Variants in CCL25 observed in about 807,000 individuals in gnomAD.
The protein encoded by CCL25 is C-C motif chemokine 25.
CCL25 carries 14 observed loss-of-function variants against 19.9 expected under a neutral mutation model. The observed-to-expected ratio is 0.70, with a 90% CI of 0.47 to 1.10. CCL25 has a LOEUF of 1.10. Ranked by LOEUF, CCL25 falls within the 50% of genes least tolerant of loss-of-function variation. CCL25 has a pLI of 0.00. For missense variants in CCL25, 151 were observed against 181.2 expected, an observed-to-expected ratio of 0.83 and a Z score of 0.96; for synonymous variants, 68 against 73.2, an observed-to-expected ratio of 0.93 and a Z score of 0.36.
intron 5 of CCL25, among the ~76,000 whole-genome samples, chr19:8,059,885 C>T (rs952909623): frequency 3.3e-5 from 5 of 151,558 alleles, no homozygotes; most frequent in Admixed American, 6.6e-5. Flanking sequence ...GTCAGGAGAT[C>T]GAGACCATCC....
At chr19:8,057,987 T>C (rs2081284410) in intron 5 of CCL25, 67 bp downstream of exon 5, 22 of 1,570,282 alleles carry the variant, frequency 1.4e-5, no homozygotes, top group Non-Finnish European at 1.7e-5. Flanking sequence ...GGGCTCGTGA[T>C]TGGCTCACAC....
intron 2 of CCL25, among the ~76,000 whole-genome samples, chr19:8,054,431 G>T (rs770499242): frequency 6.6e-6 from 1 of 152,208 alleles, no homozygotes; most frequent in Non-Finnish European, 1.5e-5. Context: ...CCGCGGTTGG[G>T]AGACACCTGG....
chr19:8,060,982 ATTTT>A (rs68112327), intron 5 of CCL25, among the ~76,000 whole-genome samples: 3 of 95,168 alleles, frequency 3.2e-5, no homozygotes, highest in Non-Finnish European at 4.0e-5. Context: ...GCCCGGCCTA[ATTTT>A]TTTTTTTTTT....
Position 8,056,199 on chromosome 19 carries a change from G to C in CCL25, c.121G>C (p.Ala41Pro). The change falls in exon 3 of 6, where the codon GCT becomes CCT. Residue 41 changes from alanine to proline, a missense_variant. Coordinates refer to ENST00000315626, the MANE Select transcript of CCL25 (RefSeq NM_005624.4). ...GGCCTACCACTACCCCATTGGGTGG[G>C]CTGTGCTCCGGCGCGCCTGGACTTA... ...CLAYHYPIGWAVLRRAWTYRI... is the reference protein window; with the variant it reads ...CLAYHYPIGWPVLRRAWTYRI... 1 of 1,566,118 alleles carries C rather than the reference G, an allele frequency of 6.4e-7. No individual in the cohort carries two copies. The highest frequency in any genetic ancestry group is 8.6e-7 in the Non-Finnish European group (1 of 1,156,418).
chr19:8,052,556 C>T (rs557585670), upstream of CCL25, among the ~76,000 whole-genome samples: 3 of 151,634 alleles, frequency 2.0e-5, no homozygotes, highest in East Asian at 5.8e-4. Flanking sequence ...TTTCTGGAGA[C>T]AGTAGGGGTG....
At position 8,061,149 on chromosome 19, in the gene CCL25, C is replaced by G. The variant is rs182088627; in HGVS notation, c.446-1069C>G. 2.0e-5 allele frequency among the ~76,000 whole-genome samples: 3 copies of G among 151,878 alleles called. No individual in the cohort carries two copies. The East Asian group carries it at 5.8e-4, about 29-fold the overall frequency. On this transcript the variant is annotated intron_variant, in intron 5 of 5. Transcript: ENST00000315626. ...GATCATAGGCATGCACCACCACTGCCGACTAATTTTTGTATTTTTAGTAGA... is the reference window on the plus strand; with the variant it reads ...GATCATAGGCATGCACCACCACTGCGGACTAATTTTTGTATTTTTAGTAGA...
At chr19:8,053,645 C>T (rs972985947) in intron 2 of CCL25, among the ~76,000 whole-genome samples, 4 of 150,422 alleles carry the variant, frequency 2.7e-5, no homozygotes, top group Non-Finnish European at 5.9e-5. Context: ...GCCTCCTGGG[C>T]TCAAGCGATC....
At chr19:8,056,302 G>GGGGGGGGGGGGGGGGGGGGCCCCC in intron 3 of CCL25, 33 bp downstream of exon 3, 5 of 593,282 alleles carry the variant, frequency 8.4e-6, no homozygotes, top group Admixed American at 1.9e-5. Flanking sequence ...GGGGGGTGGG[G>GGGGGGGGGGGGGGGGGGGGCCCCC]TGCACACACA....
In CCL25 at chr19:8,057,823, G is replaced by A; in HGVS notation, c.348G>A (p.Lys116=). Residue 116 remains lysine (K), a synonymous_variant, in exon 5 of 6, where the codon AAG becomes AAA. Coordinates refer to ENST00000315626, the MANE Select transcript of CCL25 (RefSeq NM_005624.4). ...CAGCAGGCCCTCATGCTGTAAAGAA[G>A]TTGAGTTCTGGAAACTCCAAGTTAT... ...TFQAGPHAVK[K]LSSGNSKLSS... is the part of the protein sequence containing the mutation. The A allele has an allele frequency of 6.2e-7, 1 of 1,613,152 alleles. No individual in the cohort carries two copies. Among genetic ancestry groups the A allele is most frequent in the Non-Finnish European group, 8.5e-7 (1 of 1,179,372 alleles).
At position 8,053,071 on chromosome 19, in the gene CCL25, T is replaced by C; in HGVS notation, c.22T>C (p.Cys8Arg). ...CAGCATGAACCTGTGGCTCCTGGCCTGCCTGGTGGCCGGCTTCCTGGGAGC... is the reference window on the plus strand; with the variant it reads ...CAGCATGAACCTGTGGCTCCTGGCCCGCCTGGTGGCCGGCTTCCTGGGAGC... MNLWLLA[C>R]LVAGFLGAWA... The change falls in exon 2 of 6, where the codon TGC (cysteine) becomes CGC (arginine). Residue 8 changes from cysteine (C) to arginine (R), a missense_variant. By Grantham distance (180) the Cys-to-Arg change is radical. Coordinates refer to ENST00000315626, the MANE Select transcript of CCL25 (RefSeq NM_005624.4). The C allele has an allele frequency of 1.3e-6, 2 of 1,554,782 alleles. No homozygotes were observed. The highest frequency in any genetic ancestry group is 1.7e-6 in the Non-Finnish European group (2 of 1,149,122).
chr19:8,055,739 G>A (rs1392065835), intron 2 of CCL25, among the ~76,000 whole-genome samples: 2 of 152,178 alleles, frequency 1.3e-5, no homozygotes, highest in African/African-American at 4.8e-5. Context: ...CCAAAGTGCT[G>A]GGTTTACAGG....
intron 2 of CCL25, among the ~76,000 whole-genome samples, chr19:8,053,453 G>A (rs749667688): frequency 6.6e-5 from 10 of 152,058 alleles, no homozygotes; most frequent in Non-Finnish European, 1.0e-4. Context: ...AGCCAGGGGT[G>A]GGGTTGGAGA....
At position 8,062,255 on chromosome 19, in the gene CCL25, A is replaced by T. The variant is rs1369616943; in HGVS notation, c.*30A>T. 1 of 1,612,326 alleles carries T rather than the reference A, an allele frequency of 6.2e-7. No individual in the cohort carries two copies. The highest frequency in any genetic ancestry group is 1.3e-5 in the African/African-American group (1 of 74,992). Reference sequence around the variant, plus strand: ...GCTCATTTCTGGGCTCCATCGGCACAGGAGGGGCCGGATCTTTCTCCGATA... The same window carrying T: ...GCTCATTTCTGGGCTCCATCGGCACTGGAGGGGCCGGATCTTTCTCCGATA... On this transcript the variant is annotated 3_prime_UTR_variant, in exon 6 of 6. Transcript: ENST00000315626.
chr19:8,056,302 G>GGGGGGGGGCCCCCCCC, intron 3 of CCL25, 33 bp downstream of exon 3: 1 of 593,412 alleles, frequency 1.7e-6, no homozygotes, highest in Non-Finnish European at 3.2e-6. Context: ...GGGGGGTGGG[G>GGGGGGGGGCCCCCCCC]TGCACACACA....
At chr19:8,061,644 A>G (rs2081318511) in intron 5 of CCL25, among the ~76,000 whole-genome samples, 1 of 152,152 alleles carries the variant, frequency 6.6e-6, no homozygotes. Context: ...CCCATTACCC[A>G]GGACACTCCA....
chr19:8,053,138 A>G lies in CCL25; in HGVS notation c.73+16A>G, dbSNP rs897154527. The G allele has an allele frequency of 1.3e-6, 2 of 1,529,662 alleles. No individual in the cohort carries two copies. Among genetic ancestry groups the G allele is most frequent in the African/African-American group, 1.4e-5 (1 of 72,670 alleles). 94.8% of individuals were successfully genotyped at this position (1,529,662 alleles called of 1,614,324 possible). On this transcript the variant is annotated intron_variant, in intron 2 of 5. Coordinates refer to ENST00000315626, the MANE Select transcript of CCL25 (RefSeq NM_005624.4). ...CACACCCAAGGTACTGTGTTCGGCA[A>G]TGCCTACCACCAAGTGCCCCTCTCC... is the stretch of plus-strand genomic sequence containing the variant.
intron 5 of CCL25, among the ~76,000 whole-genome samples, chr19:8,060,329 G>C (rs1378916232): frequency 6.6e-6 from 1 of 152,032 alleles, no homozygotes; most frequent in African/African-American, 2.4e-5. Context: ...GGGACAAAAT[G>C]AGACCCTGTC....
At chr19:8,061,675 CA>C (rs2081318755) in intron 5 of CCL25, among the ~76,000 whole-genome samples, 1 of 151,932 alleles carries the variant, frequency 6.6e-6, no homozygotes, top group African/African-American at 2.4e-5. Context: ...AGCTCTGTGT[CA>C]GAAACAGAAT....
At chr19:8,054,158 G>A (rs994033176) in intron 2 of CCL25, among the ~76,000 whole-genome samples, 1 of 152,172 alleles carries the variant, frequency 6.6e-6, no homozygotes, top group Non-Finnish European at 1.5e-5. Context: ...GCCAAAGCAG[G>A]GTCCCTGGCT....
Sources: allele counts gnomAD v4.1 joint callset (sites outside exome capture counted in the v4.1 genomes callset), GRCh38; gene constraint gnomAD v4.1.1; transcripts MANE v1.5; gene names NCBI Gene and HGNC (gene_info 2026-07-23, HGNC 2026-07-21).